MSANTD4: variants seen among roughly 807,000 people sequenced by gnomAD.
The protein encoded by MSANTD4 is Myb/SANT DNA binding domain containing 4 with coiled-coils, also known as myb/SANT-like DNA-binding domain-containing protein 4.
Under a neutral mutation model 34.3 loss-of-function variants are expected in MSANTD4, and 13 were observed. The observed-to-expected ratio is 0.38, with a 90% CI of 0.25 to 0.60. MSANTD4 has a LOEUF of 0.60. MSANTD4 is among the 20% of genes least tolerant of loss of function. The pLI, the probability that MSANTD4 is intolerant of heterozygous loss-of-function variation, is 0.63. For missense variants in MSANTD4, 358 were observed against 401.8 expected (o/e 0.89, Z 0.93); for synonymous variants, 137 against 145.2 (o/e 0.94, Z 0.41).
chr11:106,013,040 G>A (rs995761622), intron 1 of MSANTD4, among the ~76,000 whole-genome samples: 2 of 152,196 alleles, frequency 1.3e-5, no homozygotes, highest in Non-Finnish European at 2.9e-5. Context: ...GTCTCACACA[G>A]TATAGTACAT....
At chr11:106,010,225 T>G in intron 2 of MSANTD4, 115 bp from the exon 3 acceptor site, 1 of 1,181,688 alleles carries the variant, frequency 8.5e-7, no homozygotes, top group Non-Finnish European at 1.2e-6. Context: ...AATTTGAATT[T>G]TGAATATCAT....
In MSANTD4 at chr11:106,020,347, T is replaced by G. The variant is rs567762473; in HGVS notation, c.-151+615A>C. Among the ~76,000 whole-genome samples, 14 of 152,346 alleles carry G rather than the reference T, an allele frequency of 9.2e-5. No homozygotes were observed. The South Asian group carries it at 2.9e-3, about 32-fold the overall frequency. ...GCGAATTCTGGCTTAATAAGACTAT[T>G]ATTTGCTAAAAATGAACTGAAAGAG... On this transcript the variant is annotated intron_variant, in intron 1 of 2. Coordinates refer to ENST00000301919, the MANE Select transcript of MSANTD4 (RefSeq NM_032424.3).
intron 1 of MSANTD4, among the ~76,000 whole-genome samples, chr11:106,020,499 G>A (rs537667118): frequency 7.8e-4 from 119 of 152,246 alleles, no homozygotes; most frequent in African/African-American, 2.8e-3. Context: ...TGAAGTTGTC[G>A]AGAGTCCAAA....
intron 1 of MSANTD4, among the ~76,000 whole-genome samples, chr11:106,016,324 T>G (rs915034055): frequency 1.1e-4 from 17 of 152,216 alleles, no homozygotes; most frequent in African/African-American, 3.9e-4. Flanking sequence ...TATAAAAAAC[T>G]GAAGCAAAGT....
Position 106,009,978 on chromosome 11 carries a change from C to G in MSANTD4, c.595G>C (p.Asp199His). The G allele has an allele frequency of 6.2e-7, 1 of 1,611,266 alleles. No homozygotes were observed. Among genetic ancestry groups the G allele is most frequent in the African/African-American group, 1.3e-5 (1 of 74,882 alleles). The part of the protein sequence containing the change: ...LNSTPSRSAY[D>H]EPHLLVNIEK... ...ATATTTACGAGCAAATGAGGCTCAT[C>G]ATATGCAGATCTAGATGGTGTTGAG... The change falls in exon 3 of 3, where the codon GAT becomes CAT. Residue 199 changes from aspartate to histidine, a missense_variant. By Grantham distance (81) the Asp-to-His change is moderately conservative. Coordinates refer to ENST00000301919, the MANE Select transcript of MSANTD4 (RefSeq NM_032424.3).
chr11:106,012,887 T>C (rs2847181), intron 1 of MSANTD4, among the ~76,000 whole-genome samples: 113,334 of 151,994 alleles, frequency 0.75, 42,323 homozygotes, highest in Non-Finnish European at 0.76. Flanking sequence ...CTGCAATGGA[T>C]TGGGGAAGTG....
At chr11:106,012,724 A>G (rs984997475) in intron 1 of MSANTD4, among the ~76,000 whole-genome samples, 18 of 152,028 alleles carry the variant, frequency 1.2e-4, no homozygotes, top group Non-Finnish European at 2.1e-4. Flanking sequence ...GTTTCAATAA[A>G]CCCTCCAGAT....
Position 106,021,622 on chromosome 11 carries a change from T to C in MSANTD4, c.-811A>G, listed in dbSNP as rs1860039576. The C allele has an allele frequency of 6.6e-6, 1 of 152,192 alleles. No homozygotes were observed. Among genetic ancestry groups the C allele is most frequent in the Non-Finnish European group, 1.5e-5 (1 of 68,042 alleles). The allele number at this position is 152,192 out of a possible 1,614,324, so 9.4% of individuals were successfully genotyped here. On this transcript the variant is annotated 5_prime_UTR_variant, in exon 1 of 3. Coordinates refer to ENST00000301919, the MANE Select transcript of MSANTD4 (RefSeq NM_032424.3). ...AAGTGTGGCTTTCCCCTCCCCTATA[T>C]TCTTATAGGGGATTCACTTCCCTGC...
Position 106,009,832 on chromosome 11 carries a change from A to G in MSANTD4, c.741T>C (p.His247=), listed in dbSNP as rs1038655541. 6.2e-7 allele frequency: 1 copy of G among 1,614,138 alleles called. No individual in the cohort carries two copies. The highest frequency in any genetic ancestry group is 1.3e-5 in the African/African-American group (1 of 75,022). Residue 247 remains histidine (H), a synonymous_variant, in exon 3 of 3, where the codon CAT becomes CAC. Coordinates refer to ENST00000301919, the MANE Select transcript of MSANTD4 (RefSeq NM_032424.3). The part of the protein sequence containing the change: ...KERLRHLDME[H]ERLQLEKERL... ...GCTCCTTCTCTAGCTGAAGCCGCTC[A>G]TGTTCCATGTCTAAATGCCGCAGCC...
At chr11:106,012,144 CA>C (rs56408049) in intron 1 of MSANTD4, among the ~76,000 whole-genome samples, 19,756 of 141,332 alleles carry the variant, frequency 0.14, 1,443 homozygotes, top group Middle Eastern at 0.17. Flanking sequence ...AAAAGATAAC[CA>C]AAAAAAAAAA....
Position 106,009,465 on chromosome 11 carries a change from A to T in MSANTD4, c.*70T>A, listed in dbSNP as rs1859618421. The T allele has an allele frequency of 2.1e-6, 3 of 1,416,916 alleles. No homozygotes were observed. The African/African-American group carries it at 4.3e-5, about 20-fold the overall frequency. 87.8% of individuals were successfully genotyped at this position (1,416,916 alleles called of 1,614,324 possible). A position where few individuals can be genotyped will look rare whatever the true frequency, so the allele number is the denominator to read the frequency against. On this transcript the variant is annotated 3_prime_UTR_variant, in exon 3 of 3. Coordinates refer to ENST00000301919, the MANE Select transcript of MSANTD4 (RefSeq NM_032424.3). ...AGAAACCACAGCTAATCCAGCAACC[A>T]TCATTATATCACCTGATATGAGAAA...
chr11:106,021,988 C>G lies in MSANTD4; in HGVS notation c.-1177G>C, dbSNP rs1479189223. The G allele has an allele frequency of 6.6e-6, 1 of 152,516 alleles. No homozygotes were observed. Among genetic ancestry groups the G allele is most frequent in the Non-Finnish European group, 1.5e-5 (1 of 68,284 alleles). The allele number at this position is 152,516 out of a possible 1,614,324, so 9.4% of individuals were successfully genotyped here. A position where few individuals can be genotyped will look rare whatever the true frequency, so the allele number is the denominator to read the frequency against. On this transcript the variant is annotated 5_prime_UTR_variant, in exon 1 of 3. Coordinates refer to ENST00000301919, the MANE Select transcript of MSANTD4 (RefSeq NM_032424.3). ...TCTTGTTTCCGTGGCCTGGGCCCTC[C>G]CCAGCCTCCCCGGTCAGGCGACAGA...
chr11:106,016,493 A>G (rs1206044556), intron 1 of MSANTD4, among the ~76,000 whole-genome samples: 1 of 152,196 alleles, frequency 6.6e-6, no homozygotes, highest in East Asian at 1.9e-4. Flanking sequence ...TGCTCTAAAA[A>G]CAGGATCTTC....
Position 106,009,497 on chromosome 11 carries a change from G to A in MSANTD4, c.*38C>T, listed in dbSNP as rs752431661. 5 of 1,539,780 alleles carry A rather than the reference G, an allele frequency of 3.2e-6. No homozygotes were observed. The highest frequency in any genetic ancestry group is 4.4e-6 in the Non-Finnish European group (5 of 1,142,324). ...TATCACCTGATATGAGAAAAATCTA[G>A]AGTTTTCAAACATTTGCTAAATGGA... is the stretch of plus-strand genomic sequence containing the variant. On this transcript the variant is annotated 3_prime_UTR_variant, in exon 3 of 3. Transcript: ENST00000301919.
chr11:106,009,647 T>A lies in MSANTD4; in HGVS notation c.926A>T (p.Lys309Met), dbSNP rs778638428. The A allele has an allele frequency of 6.2e-7, 1 of 1,614,218 alleles. No homozygotes were observed. Among genetic ancestry groups the A allele is most frequent in the Non-Finnish European group, 8.5e-7 (1 of 1,180,032 alleles). Residue 309 changes from lysine to methionine, a missense_variant, in exon 3 of 3, where the codon AAG (lysine) becomes ATG (methionine). Physicochemically the swap from Lys to Met is moderately conservative, Grantham distance 95. Coordinates refer to ENST00000301919, the MANE Select transcript of MSANTD4 (RefSeq NM_032424.3). ...KLERERLQLE[K>M]DRLQFLKFES... The stretch of plus-strand genomic sequence containing the variant: ...AAACTTCAAAAACTGCAGCCTATCC[T>A]TTTCCAGTTGCAAGCGTTCTCGCTC...
chr11:106,016,149 T>C (rs573422646), intron 1 of MSANTD4, among the ~76,000 whole-genome samples: 2 of 152,348 alleles, frequency 1.3e-5, no homozygotes, highest in East Asian at 3.9e-4. Context: ...TGAGCCACCA[T>C]GCTGAGCCTA....
intron 1 of MSANTD4, among the ~76,000 whole-genome samples, chr11:106,014,801 C>T (rs1859800330): frequency 6.6e-6 from 1 of 152,168 alleles, no homozygotes; most frequent in Non-Finnish European, 1.5e-5. Context: ...TCCAATCACT[C>T]ATGTGGAATA....
rs1033867327 is a variant in MSANTD4 at position 106,021,871 on chromosome 11, G to C, written c.-1060C>G. The C allele has an allele frequency of 5.1e-4, 77 of 152,394 alleles. No homozygotes were observed. The highest frequency in any genetic ancestry group is 1.7e-3 in the African/African-American group (72 of 41,548). The allele number at this position is 152,394 out of a possible 1,614,324, so 9.4% of individuals were successfully genotyped here. A position where few individuals can be genotyped will look rare whatever the true frequency, so the allele number is the denominator to read the frequency against. ...CACAATGATGAGGTTGCTGCTGGTAGGAGTCCCGGTGGGAGTCGGGGCAAC... is the reference window on the plus strand; with the variant it reads ...CACAATGATGAGGTTGCTGCTGGTACGAGTCCCGGTGGGAGTCGGGGCAAC... On this transcript the variant is annotated 5_prime_UTR_variant, in exon 1 of 3. Coordinates refer to ENST00000301919, the MANE Select transcript of MSANTD4 (RefSeq NM_032424.3).
intron 1 of MSANTD4, among the ~76,000 whole-genome samples, chr11:106,016,440 C>T (rs1467589586): frequency 1.3e-5 from 2 of 152,178 alleles, no homozygotes; most frequent in African/African-American, 4.8e-5. Context: ...TTTCCTTCTA[C>T]AATCTGCCCC....
Sources: allele counts gnomAD v4.1 joint callset (sites outside exome capture counted in the v4.1 genomes callset), GRCh38; gene constraint gnomAD v4.1.1; transcripts MANE v1.5; gene names NCBI Gene and HGNC (gene_info 2026-07-23, HGNC 2026-07-21).